The following KMT2E variants were observed in gnomAD, a reference collection of about 807,000 sequenced individuals.
KMT2E encodes the protein lysine methyltransferase 2E (inactive).
In KMT2E, 30 loss-of-function variants were observed where a neutral mutation model predicts 184.6. The observed-to-expected ratio is 0.16, with a 90% CI of 0.12 to 0.22. The LOEUF (loss-of-function observed/expected upper bound fraction) is 0.22, where lower values mean the gene tolerates loss of function less well. Among genes scored for constraint, KMT2E ranks in the 10% least tolerant of loss-of-function variants. The pLI, the probability that KMT2E is intolerant of heterozygous loss-of-function variation, is 1.00. For missense variants in KMT2E, 2,023 were observed against 2,237.4 expected (o/e 0.90, Z 1.93); for synonymous variants, 815 against 776.5 (o/e 1.05, Z -0.82).
chr7:105,088,960 A>T (rs563043300), intron 13 of KMT2E, among the ~76,000 whole-genome samples: 9 of 152,228 alleles, frequency 5.9e-5, no homozygotes, highest in Non-Finnish European at 1.2e-4. Context: ...AAACTAGTTG[A>T]GGTTCAGTAT....
intron 4 of KMT2E, 82 bp downstream of exon 4, chr7:105,062,360 G>T: frequency 2.4e-6 from 2 of 820,104 alleles, no homozygotes; most frequent in East Asian, 2.7e-5. Context: ...TGCTTGAAAC[G>T]GCATGTTTGA....
intron 13 of KMT2E, among the ~76,000 whole-genome samples, chr7:105,085,706 C>T (rs1355470702): frequency 1.5e-4 from 22 of 145,064 alleles, no homozygotes; most frequent in Non-Finnish European, 2.5e-4. Context: ...TTTTTGGAGA[C>T]GGAGTCTCGC....
At chr7:105,098,176 T>G (rs886469265) in intron 15 of KMT2E, among the ~76,000 whole-genome samples, 1 of 152,094 alleles carries the variant, frequency 6.6e-6, no homozygotes, top group South Asian at 2.1e-4. Context: ...ATTTCTCTAT[T>G]TCAAGACCAA....
rs776626657 is a variant in KMT2E, at chr7:105,055,866, G to GTTACAC, written c.72-6295_72-6290dup. Among the ~76,000 whole-genome samples the GTTACAC allele has an allele frequency of 3.3e-5, 5 of 150,874 alleles. No individual in the cohort carries two copies. The South Asian group carries it at 1.0e-3, about 31-fold the overall frequency. On this transcript the variant is annotated intron_variant, in intron 3 of 26. Coordinates refer to ENST00000311117, the MANE Select transcript of KMT2E (RefSeq NM_182931.3). ...CTCTGATGGCACTACTGTAATTATT[G>GTTACAC]TTACACTTGTTTGTTTGCCTGTTAG...
Position 105,086,087 on chromosome 7 carries a change from A to G in KMT2E, c.1359-3922A>G, listed in dbSNP as rs1200242121. ...ATTGTGACTTGCTGTATTCTTTAGC[A>G]TTTTTTTCACATTTATTACGTGAGA... is the stretch of plus-strand genomic sequence containing the variant. On this transcript the variant is annotated intron_variant, in intron 13 of 26. Transcript: ENST00000311117. Among the ~76,000 whole-genome samples, 10 of 152,014 alleles carry G rather than the reference A, an allele frequency of 6.6e-5. No homozygotes were observed. In the East Asian group the frequency reaches 1.9e-3, roughly 29 times the overall value.
At chr7:105,093,196 C>T (rs936933975) in intron 15 of KMT2E, among the ~76,000 whole-genome samples, 5 of 152,102 alleles carry the variant, frequency 3.3e-5, no homozygotes, top group Non-Finnish European at 7.4e-5. Flanking sequence ...AGATCCTTGT[C>T]ACAAAACAAA....
intron 26 of KMT2E, among the ~76,000 whole-genome samples, chr7:105,111,537 C>T (rs934431200): frequency 1.3e-5 from 2 of 151,936 alleles, no homozygotes; most frequent in Non-Finnish European, 2.9e-5. Context: ...GGTTTCATTG[C>T]TTAGGGGTAA....
At chr7:105,092,916 A>G (rs192017996) in intron 15 of KMT2E, among the ~76,000 whole-genome samples, 63 of 152,254 alleles carry the variant, frequency 4.1e-4, no homozygotes, top group Non-Finnish European at 7.5e-4. Context: ...ATCATAGGCC[A>G]GGCGTGGTAG....
chr7:105,020,983 G>T (rs1188392448), intron 1 of KMT2E, among the ~76,000 whole-genome samples: 1 of 152,194 alleles, frequency 6.6e-6, no homozygotes, highest in African/African-American at 2.4e-5. Flanking sequence ...ACTAATATAT[G>T]TAATCGTTTC....
Position 105,068,642 on chromosome 7 carries a change from T to G in KMT2E, c.497+1835T>G, listed in dbSNP as rs1447157067. Among the ~76,000 whole-genome samples, 13 of 146,146 alleles carry G rather than the reference T, an allele frequency of 8.9e-5. No individual in the cohort carries two copies. The East Asian group carries it at 1.0e-3, about 11-fold the overall frequency. On this transcript the variant is annotated intron_variant, in intron 6 of 26. Transcript: ENST00000311117. Reference sequence around the variant, plus strand: ...AGTTGTGGTTTTTTTTTTTTTTGTTTTTTTTTTTTTTTTGTAGGCACAGGG... The same window carrying G: ...AGTTGTGGTTTTTTTTTTTTTTGTTGTTTTTTTTTTTTTGTAGGCACAGGG...
rs1799416428 is a variant in KMT2E, at chr7:105,113,330, T to A, written c.5574T>A (p.His1858Gln). 6.2e-7 allele frequency: 1 copy of A among 1,600,110 alleles called. No homozygotes were observed. Among genetic ancestry groups the A allele is most frequent in the Non-Finnish European group, 8.5e-7 (1 of 1,169,704 alleles). ...FQNNYHGSGWH is the reference protein window; with the variant it reads ...FQNNYHGSGWQ ...ACAATTACCATGGGTCAGGGTGGCA[T>A]TAAAATGGACTCCAAAAACATTTTT... The change falls in exon 27 of 27, where the codon CAT (histidine) becomes CAA (glutamine). Residue 1858 changes from histidine (H) to glutamine (Q), a missense_variant. Around this residue, in one of 8 missense-constraint regions of KMT2E, gnomAD observed 1,108 missense variants for 1,050.9 expected, o/e 1.05. Coordinates refer to ENST00000311117, the MANE Select transcript of KMT2E (RefSeq NM_182931.3).
At chr7:105,035,844 C>T (rs1290604547) in intron 1 of KMT2E, among the ~76,000 whole-genome samples, 1 of 152,146 alleles carries the variant, frequency 6.6e-6, no homozygotes, top group Non-Finnish European at 1.5e-5. Context: ...CAGATGTGAG[C>T]CACCACACCC....
intron 13 of KMT2E, among the ~76,000 whole-genome samples, chr7:105,082,990 T>G (rs149597199): frequency 0.017 from 2,659 of 152,314 alleles, 85 homozygotes; most frequent in African/African-American, 0.06. Flanking sequence ...TGGTGTGGTG[T>G]CTATTAGCTC....
At chr7:105,069,235 G>A (rs1797182364) in intron 6 of KMT2E, among the ~76,000 whole-genome samples, 1 of 152,094 alleles carries the variant, frequency 6.6e-6, no homozygotes, top group Non-Finnish European at 1.5e-5. Flanking sequence ...GTTTCTTTAA[G>A]ATAAAATACA....
At chr7:105,087,894 TCA>T (rs952842174) in intron 13 of KMT2E, among the ~76,000 whole-genome samples, 4 of 151,684 alleles carry the variant, frequency 2.6e-5, no homozygotes, top group African/African-American at 9.7e-5. Flanking sequence ...GCAATTCGAT[TCA>T]GTTCCTCTTA....
At chr7:105,090,711 T>G (rs1406450146) in intron 14 of KMT2E, among the ~76,000 whole-genome samples, 1 of 152,184 alleles carries the variant, frequency 6.6e-6, no homozygotes, top group Non-Finnish European at 1.5e-5. Flanking sequence ...AAGGTAATTT[T>G]GGGGGTAAAG....
intron 1 of KMT2E, among the ~76,000 whole-genome samples, chr7:105,016,313 A>G (rs918684553): frequency 2.0e-5 from 3 of 152,190 alleles, no homozygotes; most frequent in African/African-American, 7.2e-5. Context: ...TTTATTGTGT[A>G]TTTGGTAAAG....
intron 3 of KMT2E, among the ~76,000 whole-genome samples, chr7:105,057,370 A>C (rs888338358): frequency 6.6e-6 from 1 of 152,186 alleles, no homozygotes; most frequent in Non-Finnish European, 1.5e-5. Flanking sequence ...TAGTAATCCC[A>C]GTTGGCCGTT....
chr7:105,108,009 T>C, intron 22 of KMT2E, 84 bp downstream of exon 22: 1 of 851,118 alleles, frequency 1.2e-6, no homozygotes, highest in East Asian at 3.0e-5. Context: ...TTAGATGTAT[T>C]ATGTAAGGCA....
Sources: gnomAD v4.1 joint callset for allele counts (sites outside exome capture counted in the v4.1 genomes callset) on GRCh38, gnomAD v4.1.1 for gene constraint, gnomAD v4.1.1 regional missense constraint, MANE v1.5 for transcripts, NCBI Gene and HGNC (gene_info 2026-07-23, HGNC 2026-07-21) for gene names.